The following ANKRD50 variants were observed in gnomAD, a reference collection of about 807,000 sequenced individuals.
ANKRD50 encodes the protein ankyrin repeat domain 50.
Under a neutral mutation model 112.0 loss-of-function variants are expected in ANKRD50, and 40 were observed. That is an observed-to-expected ratio of 0.36 (90% CI 0.28 to 0.46). ANKRD50 has a LOEUF of 0.46. Ranked by LOEUF, ANKRD50 falls within the 20% of genes least tolerant of loss-of-function variation. ANKRD50 has a pLI of 1.00. For missense variants in ANKRD50, 1,487 were observed against 1,701.7 expected (o/e 0.87, Z 2.22); for synonymous variants, 613 against 619.1 (o/e 0.99, Z 0.15).
At position 124,677,875 on chromosome 4, in the gene ANKRD50, A is replaced by T. The variant is rs187030775; in HGVS notation, c.742+801T>A. Among the ~76,000 whole-genome samples, 4 of 152,200 alleles carry T rather than the reference A, an allele frequency of 2.6e-5. No individual in the cohort carries two copies. In the East Asian group the frequency reaches 7.7e-4, roughly 29 times the overall value. On this transcript the variant is annotated intron_variant, in intron 3 of 4. Transcript: ENST00000504087. ...ACAGACCAAAAGGGGCTTCTACTGT[A>T]CCTATGCCTGACATACTAAATGCTA...
chr4:124,672,615 TATA>T (rs1189583823), intron 3 of ANKRD50, 81 bp from the exon 4 acceptor site: 1 of 938,488 alleles, frequency 1.1e-6, no homozygotes, highest in South Asian at 1.8e-5. Flanking sequence ...AATGTCAACA[TATA>T]ATAAATAAAT....
At chr4:124,682,429 G>C (rs1043872124) in intron 2 of ANKRD50, among the ~76,000 whole-genome samples, 3 of 151,616 alleles carry the variant, frequency 2.0e-5, no homozygotes, top group African/African-American at 7.3e-5. Context: ...TATTGTCCAA[G>C]GGTCCTACGT....
intron 4 of ANKRD50, among the ~76,000 whole-genome samples, chr4:124,667,872 C>T (rs1730533071): frequency 6.6e-6 from 1 of 151,836 alleles, no homozygotes; most frequent in Non-Finnish European, 1.5e-5. Flanking sequence ...TTGGTCACCC[C>T]TAGATTCACA....
chr4:124,696,886 T>G (rs528915439), intron 2 of ANKRD50, among the ~76,000 whole-genome samples: 1 of 152,242 alleles, frequency 6.6e-6, no homozygotes, highest in South Asian at 2.1e-4. Context: ...TATTTGAGGA[T>G]CTAATGATTT....
At chr4:124,695,476 C>G (rs144740936) in intron 2 of ANKRD50, among the ~76,000 whole-genome samples, 1 of 152,122 alleles carries the variant, frequency 6.6e-6, no homozygotes, top group Non-Finnish European at 1.5e-5. Context: ...GTCCTGAACA[C>G]GAGGCTGAAT....
At chr4:124,712,022 C>T (rs1479508610) in intron 1 of ANKRD50, among the ~76,000 whole-genome samples, 2 of 152,070 alleles carry the variant, frequency 1.3e-5, no homozygotes, top group Non-Finnish European at 2.9e-5. Flanking sequence ...AAAGGAACTC[C>T]GGGATTCCCA....
chr4:124,682,437 C>T (rs920981712), intron 2 of ANKRD50, among the ~76,000 whole-genome samples: 1 of 151,222 alleles, frequency 6.6e-6, no homozygotes, highest in Non-Finnish European at 1.5e-5. Flanking sequence ...AAGGGTCCTA[C>T]GTACTTACTG....
chr4:124,675,290 A>G (rs969348928), intron 3 of ANKRD50, among the ~76,000 whole-genome samples: 32 of 151,822 alleles, frequency 2.1e-4, no homozygotes, highest in Admixed American at 6.6e-5. Flanking sequence ...GTGAAAACAG[A>G]GTGAAAGAGA....
rs1056394476 is a variant in ANKRD50, at chr4:124,690,047, T to C, written c.513-11142A>G. On this transcript the variant is annotated intron_variant, in intron 2 of 4. Coordinates refer to ENST00000504087, the MANE Select transcript of ANKRD50 (RefSeq NM_020337.3). ...CTCCAAAGTACTAGATAAAAGGCTG[T>C]ATGATTTTTTTTGGTTTGGGCTCAA... is the stretch of plus-strand genomic sequence containing the variant. 2.0e-5 allele frequency among the ~76,000 whole-genome samples: 3 copies of C among 152,208 alleles called. No homozygotes were observed. In the East Asian group the frequency reaches 5.8e-4, roughly 29 times the overall value.
Position 124,701,833 on chromosome 4 carries a change from A to C in ANKRD50, c.512+8167T>G, listed in dbSNP as rs148150651. On this transcript the variant is annotated intron_variant, in intron 2 of 4. Coordinates refer to ENST00000504087, the MANE Select transcript of ANKRD50 (RefSeq NM_020337.3). ...AGCCAAAGAGATTTTTAAAAACAAA[A>C]AAAAAAAGTATCTAGTTACCTTATT... Among the ~76,000 whole-genome samples, 511 of 152,282 alleles carry C rather than the reference A, an allele frequency of 3.4e-3. 1 individual carries two copies. The highest frequency in any genetic ancestry group is 0.011 in the African/African-American group (469 of 41,560).
chr4:124,677,294 A>T (rs368936541), intron 3 of ANKRD50, among the ~76,000 whole-genome samples: 4 of 151,716 alleles, frequency 2.6e-5, no homozygotes, highest in South Asian at 2.1e-4. Context: ...TTATAATGTA[A>T]ACTTTCAGCA....
Position 124,710,143 on chromosome 4 carries a change from A to T in ANKRD50, c.369T>A (p.Val123=). 6.2e-7 allele frequency: 1 copy of T among 1,614,192 alleles called. No homozygotes were observed. Among genetic ancestry groups the T allele is most frequent in the Non-Finnish European group, 8.5e-7 (1 of 1,180,026 alleles). Residue 123 remains valine (V), a synonymous_variant, in exon 2 of 5, where the codon GTT becomes GTA. Coordinates refer to ENST00000504087, the MANE Select transcript of ANKRD50 (RefSeq NM_020337.3). The part of the protein sequence containing the change: ...CKAQDSDTLC[V]GGFIRGLVAQ... ...CTACTAGACCTCTAATAAACCCTCC[A>T]ACACACAAAGTATCAGAGTCCTGGG...
intron 2 of ANKRD50, among the ~76,000 whole-genome samples, chr4:124,682,674 T>C (rs1724920613): frequency 6.6e-6 from 1 of 152,128 alleles, no homozygotes; most frequent in Non-Finnish European, 1.5e-5. Flanking sequence ...ATCTACCTTG[T>C]CTGATATTAA....
At position 124,671,667 on chromosome 4, in the gene ANKRD50, G is replaced by A. The variant is rs1322210874; in HGVS notation, c.1610C>T (p.Ser537Leu). The change falls in exon 4 of 5, where the codon TCA (serine) becomes TTA (leucine). Residue 537 changes from serine to leucine, a missense_variant. By Grantham distance (145) the Ser-to-Leu change is moderately radical (BLOSUM62 -2). Around this residue, in one of 2 missense-constraint regions of ANKRD50, gnomAD observed 1,046 missense variants for 1,269.5 expected, o/e 0.82. Coordinates refer to ENST00000504087, the MANE Select transcript of ANKRD50 (RefSeq NM_020337.3). ...CCCATTTGAATCACACTGATTTACTGAAGCTCCATTATCTAATAATGTCCG... is the reference window on the plus strand; with the variant it reads ...CCCATTTGAATCACACTGATTTACTAAAGCTCCATTATCTAATAATGTCCG... ...SIRTLLDNGA[S>L]VNQCDSNGRT... 2 of 1,613,686 alleles carry A rather than the reference G, an allele frequency of 1.2e-6. No homozygotes were observed. The highest frequency in any genetic ancestry group is 1.7e-5 in the Admixed American group (1 of 59,960).
intron 2 of ANKRD50, among the ~76,000 whole-genome samples, chr4:124,699,363 C>A (rs933817823): frequency 6.6e-6 from 1 of 152,040 alleles, no homozygotes; most frequent in African/African-American, 2.4e-5. Context: ...ATTTCCCCAA[C>A]AAATTGCTTT....
intron 2 of ANKRD50, among the ~76,000 whole-genome samples, chr4:124,691,721 C>G (rs1725143953): frequency 6.6e-6 from 1 of 152,048 alleles, no homozygotes; most frequent in South Asian, 2.1e-4. Context: ...GAGTCTCCTA[C>G]AAACAGTGCA....
chr4:124,700,514 G>T (rs1004311420), intron 2 of ANKRD50, among the ~76,000 whole-genome samples: 5 of 152,292 alleles, frequency 3.3e-5, no homozygotes, highest in African/African-American at 1.2e-4. Flanking sequence ...GGAGGTATTT[G>T]TTTTATCTTG....
chr4:124,712,289 G>C (rs962484850), intron 1 of ANKRD50, among the ~76,000 whole-genome samples, 169 bp downstream of exon 1: 1 of 151,958 alleles, frequency 6.6e-6, no homozygotes, highest in Admixed American at 6.5e-5. Flanking sequence ...CCCATGCCCC[G>C]CTCCCGCTCC....
At position 124,669,799 on chromosome 4, in the gene ANKRD50, C is replaced by G; in HGVS notation, c.3478G>C (p.Ala1160Pro). ...GGAGATTCTGAAGGAGAACTAAAAG[C>G]ATGAGTAGGCCCATTAGGTAAACCA... ...LRGLPNGPTHAFSSPSESPDS... is the reference protein window; with the variant it reads ...LRGLPNGPTHPFSSPSESPDS... Residue 1160 changes from alanine to proline, a missense_variant, in exon 4 of 5, where the codon GCT (alanine) becomes CCT (proline). By Grantham distance (27) the Ala-to-Pro change is conservative (BLOSUM62 -1). Around this residue, in one of 2 missense-constraint regions of ANKRD50, gnomAD observed 441 missense variants for 432.2 expected, o/e 1.02. Coordinates refer to ENST00000504087, the MANE Select transcript of ANKRD50 (RefSeq NM_020337.3). 6.2e-7 allele frequency: 1 copy of G among 1,613,344 alleles called. No homozygotes were observed. The highest frequency in any genetic ancestry group is 8.5e-7 in the Non-Finnish European group (1 of 1,179,732).
Sources: gnomAD v4.1 joint callset for allele counts (sites outside exome capture counted in the v4.1 genomes callset) on GRCh38, gnomAD v4.1.1 for gene constraint, gnomAD v4.1.1 regional missense constraint, MANE v1.5 for transcripts, NCBI Gene and HGNC (gene_info 2026-07-23, HGNC 2026-07-21) for gene names.